Variants in LRP1B observed in about 807,000 individuals in gnomAD.
LRP1B encodes the protein LDL receptor related protein 1B.
A neutral mutation model predicts 556.6 loss-of-function variants in LRP1B; 217 were observed. The ratio of observed to expected loss-of-function variants is 0.39; its 90% CI spans 0.35 to 0.44. The LOEUF is 0.44. Ranked by LOEUF, LRP1B falls within the 20% of genes least tolerant of loss-of-function variation. The probability of loss-of-function intolerance (pLI) is 1.00; values close to 1 mark genes in which losing one functional copy is unlikely to be tolerated. For synonymous variants in LRP1B, 2,047 were observed against 1,865.8 expected (o/e 1.10, Z -2.50); for missense variants, 5,053 against 5,620.8 (o/e 0.90, Z 3.23).
rs146035178 is a variant in LRP1B at position 140,432,160 on chromosome 2, G to A, written c.10414+10344C>T. Among the ~76,000 whole-genome samples the A allele has an allele frequency of 2.0e-3, 297 of 151,832 alleles. 2 individuals are homozygous for A. The highest frequency in any genetic ancestry group is 4.0e-3 in the Admixed American group (61 of 15,242). On this transcript the variant is annotated intron_variant, in intron 66 of 90. Coordinates refer to ENST00000389484, the MANE Select transcript of LRP1B (RefSeq NM_018557.3). ...TTATCTTCTGAAATTCCTTCTCCTG[G>A]CCCATCCTGGCTCAAAAACTCCCCT...
intron 3 of LRP1B, among the ~76,000 whole-genome samples, chr2:141,475,064 C>T (rs6429888): frequency 0.51 from 77,512 of 151,632 alleles, 20,001 homozygotes; most frequent in Non-Finnish European, 0.55. Flanking sequence ...GTCATTCCCA[C>T]AGACATTTAA....
intron 41 of LRP1B, among the ~76,000 whole-genome samples, chr2:140,617,944 G>C (rs1683315302): frequency 6.6e-6 from 1 of 151,930 alleles, no homozygotes; most frequent in Non-Finnish European, 1.5e-5. Context: ...GAAATCCTGT[G>C]AACTAAGTTC....
At chr2:140,799,939 G>T (rs978381829) in intron 32 of LRP1B, among the ~76,000 whole-genome samples, 1 of 152,150 alleles carries the variant, frequency 6.6e-6, no homozygotes, top group African/African-American at 2.4e-5. Flanking sequence ...CACCGAGCAT[G>T]AGCTGAAGCA....
intron 1 of LRP1B, among the ~76,000 whole-genome samples, chr2:141,975,308 A>G (rs1701855023): frequency 6.6e-6 from 1 of 152,050 alleles, no homozygotes; most frequent in Admixed American, 6.6e-5. Flanking sequence ...GTTTGAGTGT[A>G]TGTGCTTTCA....
At chr2:140,704,214 A>G (rs1384804758) in intron 37 of LRP1B, among the ~76,000 whole-genome samples, 1 of 152,198 alleles carries the variant, frequency 6.6e-6, no homozygotes, top group East Asian at 1.9e-4. Flanking sequence ...CTGCATACAG[A>G]AAAATTAAAG....
intron 57 of LRP1B, among the ~76,000 whole-genome samples, chr2:140,491,241 C>T (rs1319790834): frequency 6.6e-6 from 1 of 151,974 alleles, no homozygotes. Context: ...GAATATTGTT[C>T]TATATTAGTT....
At chr2:140,350,646 G>C (rs1395079240) in intron 77 of LRP1B, 151 bp downstream of exon 77, 2 of 665,858 alleles carry the variant, frequency 3.0e-6, no homozygotes, top group African/African-American at 3.8e-5. Context: ...AGAATGAGTA[G>C]AGAAATGCAT....
chr2:141,918,288 A>C (rs1256220480), intron 1 of LRP1B, among the ~76,000 whole-genome samples: 1 of 152,062 alleles, frequency 6.6e-6, no homozygotes, highest in Non-Finnish European at 1.5e-5. Context: ...AACATGTGCT[A>C]CCTAAAAAAA....
chr2:140,918,332 G>T (rs1015653619), intron 21 of LRP1B, among the ~76,000 whole-genome samples: 2 of 151,900 alleles, frequency 1.3e-5, no homozygotes, highest in African/African-American at 2.4e-5. Flanking sequence ...GTACATGGAA[G>T]AGTATATATG....
intron 15 of LRP1B, among the ~76,000 whole-genome samples, 200 bp from the exon 16 acceptor site, chr2:140,994,335 CT>C (rs1404393362): frequency 6.6e-6 from 1 of 151,046 alleles, no homozygotes; most frequent in African/African-American, 2.4e-5. Context: ...ACAGAATTTC[CT>C]TTTTCTAAAG....
At chr2:141,471,867 T>G (rs1212442082) in intron 3 of LRP1B, among the ~76,000 whole-genome samples, 3 of 152,218 alleles carry the variant, frequency 2.0e-5, no homozygotes, top group Non-Finnish European at 4.4e-5. Context: ...ACTCATTATA[T>G]TTTCTACATT....
At chr2:140,530,198 T>C (rs988174616) in intron 47 of LRP1B, among the ~76,000 whole-genome samples, 1 of 152,106 alleles carries the variant, frequency 6.6e-6, no homozygotes, top group African/African-American at 2.4e-5. Context: ...TGACTTCCAA[T>C]TGTATCACTT....
chr2:141,597,361 A>T (rs957213228), intron 2 of LRP1B, among the ~76,000 whole-genome samples: 1 of 152,004 alleles, frequency 6.6e-6, no homozygotes, highest in Non-Finnish European at 1.5e-5. Flanking sequence ...GACAATTAGT[A>T]CCTAGATTTA....
At chr2:141,577,027 G>T (rs1047512002) in intron 2 of LRP1B, among the ~76,000 whole-genome samples, 4 of 151,658 alleles carry the variant, frequency 2.6e-5, no homozygotes, top group Admixed American at 6.6e-5. Context: ...CCAATTAAAG[G>T]TGTAAGATTT....
chr2:141,995,322 C>G (rs1294174019), intron 1 of LRP1B, among the ~76,000 whole-genome samples: 1 of 151,970 alleles, frequency 6.6e-6, no homozygotes, highest in Non-Finnish European at 1.5e-5. Context: ...TTCTTATGGC[C>G]CCTTCCTCCA....
chr2:141,439,496 G>C (rs1680881298), intron 3 of LRP1B, among the ~76,000 whole-genome samples: 1 of 151,636 alleles, frequency 6.6e-6, no homozygotes, highest in African/African-American at 2.4e-5. Context: ...AGAATTATAA[G>C]TAATAACACA....
At chr2:140,476,104 C>T (rs912603645) in intron 59 of LRP1B, among the ~76,000 whole-genome samples, 7 of 151,944 alleles carry the variant, frequency 4.6e-5, no homozygotes, top group Non-Finnish European at 7.4e-5. Context: ...ATATTACACC[C>T]GATAAAATGC....
chr2:141,051,086 C>T (rs57868071), intron 10 of LRP1B, among the ~76,000 whole-genome samples: 3,195 of 152,132 alleles, frequency 0.021, 119 homozygotes, highest in African/African-American at 0.073. Context: ...GATACTATCT[C>T]GCACCAGTCA....
chr2:140,671,345 C>A (rs896974999), intron 41 of LRP1B, among the ~76,000 whole-genome samples: 15 of 152,214 alleles, frequency 9.9e-5, no homozygotes, highest in African/African-American at 3.4e-4. Flanking sequence ...ACGGTGAAAC[C>A]CCGTCTCTAC....
Sources: allele counts gnomAD v4.1 joint callset (sites outside exome capture counted in the v4.1 genomes callset), GRCh38; gene constraint gnomAD v4.1.1; transcripts MANE v1.5; gene names NCBI Gene and HGNC (gene_info 2026-07-23, HGNC 2026-07-21).